Variants in RNF185 observed in about 807,000 individuals in gnomAD.
RNF185 encodes ring finger protein 185, also known as E3 ubiquitin-protein ligase RNF185.
A neutral mutation model predicts 24.9 loss-of-function variants in RNF185; 13 were observed. The observed-to-expected ratio is 0.52, with a 90% CI of 0.34 to 0.83. The LOEUF (loss-of-function observed/expected upper bound fraction) is 0.83. Ranked by LOEUF, RNF185 falls within the 40% of genes least tolerant of loss-of-function variation. The pLI is 0.01. For missense variants in RNF185, 184 were observed against 244.7 expected (o/e 0.75, Z 1.65); for synonymous variants, 79 against 90.3 (o/e 0.88, Z 0.71).
chr22:31,175,018 A>AGC (rs2047967392), intron 1 of RNF185, among the ~76,000 whole-genome samples: 1 of 151,240 alleles, frequency 6.6e-6, no homozygotes, highest in Non-Finnish European at 1.5e-5. Context: ...GGTTGCGGTG[A>AGC]GCCGAGATCG....
At chr22:31,203,420 G>A (rs2048282807) in intron 6 of RNF185, among the ~76,000 whole-genome samples, 1 of 152,196 alleles carries the variant, frequency 6.6e-6, no homozygotes, top group Admixed American at 6.5e-5. Context: ...GGCAGTGTGT[G>A]GAGAGGCTGC....
chr22:31,162,796 G>A (rs1253793405), intron 1 of RNF185, among the ~76,000 whole-genome samples: 2 of 142,906 alleles, frequency 1.4e-5, no homozygotes, highest in East Asian at 2.0e-4. Flanking sequence ...ACGGAGTCTC[G>A]CTCTGTTGCC....
chr22:31,201,399 G>A (rs976950260), intron 5 of RNF185, 99 bp from the exon 6 acceptor site: 6 of 844,798 alleles, frequency 7.1e-6, no homozygotes, highest in African/African-American at 3.3e-5. Context: ...AGAAGAGGCA[G>A]GTGCCACATG....
intron 1 of RNF185, among the ~76,000 whole-genome samples, chr22:31,161,690 C>G (rs1923583608): frequency 6.6e-6 from 1 of 152,174 alleles, no homozygotes; most frequent in Admixed American, 6.5e-5. Flanking sequence ...TGAAAGCACC[C>G]CTTGAGGTTG....
chr22:31,167,287 C>T lies in RNF185; in HGVS notation c.-49+6984C>T, dbSNP rs541663858. Among the ~76,000 whole-genome samples, 4 of 152,212 alleles carry T rather than the reference C, an allele frequency of 2.6e-5. No homozygotes were observed. In the South Asian group the frequency reaches 8.3e-4, roughly 32 times the overall value. ...GGCTCAAGCAATCCTCTTGCCTCAGCCCCCTAAAGTGCTGGAATTACAGCA... is the reference window on the plus strand; with the variant it reads ...GGCTCAAGCAATCCTCTTGCCTCAGTCCCCTAAAGTGCTGGAATTACAGCA... On this transcript the variant is annotated intron_variant, in intron 1 of 6. Coordinates refer to ENST00000326132, the MANE Select transcript of RNF185 (RefSeq NM_152267.4).
chr22:31,172,429 G>T (rs1201871761), intron 1 of RNF185, among the ~76,000 whole-genome samples: 2 of 151,736 alleles, frequency 1.3e-5, no homozygotes, highest in Non-Finnish European at 1.5e-5. Flanking sequence ...TCTAATAGGG[G>T]CTAGGCACTG....
At chr22:31,172,190 A>T (rs1199811991) in intron 1 of RNF185, among the ~76,000 whole-genome samples, 2 of 151,668 alleles carry the variant, frequency 1.3e-5, no homozygotes. Flanking sequence ...ACTGTGTGAA[A>T]ATAAAAGTGA....
chr22:31,199,855 A>G (rs2048243484), intron 5 of RNF185, among the ~76,000 whole-genome samples: 1 of 152,374 alleles, frequency 6.6e-6, no homozygotes, highest in East Asian at 1.9e-4. Flanking sequence ...GTTTGGAACT[A>G]GATGCCAGGC....
intron 1 of RNF185, among the ~76,000 whole-genome samples, chr22:31,161,265 GAGGTATAT>G (rs1923557762): frequency 6.6e-6 from 1 of 152,172 alleles, no homozygotes; most frequent in African/African-American, 2.4e-5. Flanking sequence ...CCTTTCGAGG[GAGGTATAT>G]AGGTATTAGA....
intron 1 of RNF185, chr22:31,182,967 A>G (rs2048054291): frequency 6.7e-6 from 1 of 149,738 alleles, no homozygotes; most frequent in Non-Finnish European, 1.5e-5. Context: ...CTTGTCACCC[A>G]GGTTGGAGTG....
intron 1 of RNF185, among the ~76,000 whole-genome samples, chr22:31,171,706 T>C (rs1205400592): frequency 1.3e-5 from 2 of 152,122 alleles, no homozygotes; most frequent in African/African-American, 4.8e-5. Context: ...TGGTGGCTTG[T>C]GCCTGTAATC....
intron 6 of RNF185, among the ~76,000 whole-genome samples, chr22:31,203,020 AG>A (rs2048278445): frequency 6.6e-6 from 1 of 152,204 alleles, no homozygotes; most frequent in Non-Finnish European, 1.5e-5. Context: ...TCTGCCCTGA[AG>A]AAAGGGCAAA....
intron 1 of RNF185, among the ~76,000 whole-genome samples, chr22:31,182,719 A>C (rs2048051096): frequency 6.6e-6 from 1 of 151,192 alleles, no homozygotes; most frequent in Admixed American, 6.6e-5. Flanking sequence ...CACATACTAC[A>C]AGTGGTTGGA....
At position 31,201,466 on chromosome 22, in the gene RNF185, C is replaced by T. The variant is rs772638437; in HGVS notation, c.364-32C>T. 12 of 1,523,296 alleles carry T rather than the reference C, an allele frequency of 7.9e-6. No individual in the cohort carries two copies. In the South Asian group the frequency reaches 1.2e-4, roughly 16 times the overall value. 94.4% of individuals were successfully genotyped at this position (1,523,296 alleles called of 1,614,324 possible). A position where few individuals can be genotyped will look rare whatever the true frequency, so the allele number is the denominator to read the frequency against. The stretch of plus-strand genomic sequence containing the variant: ...AGGCACAGGAGAAACCTGCCTGATT[C>T]TCCTGCCCTTAATTGCCTTTCTTCC... On this transcript the variant is annotated intron_variant, in intron 5 of 6. Coordinates refer to ENST00000326132, the MANE Select transcript of RNF185 (RefSeq NM_152267.4).
intron 1 of RNF185, among the ~76,000 whole-genome samples, chr22:31,170,266 G>A (rs2047915324): frequency 6.6e-6 from 1 of 152,042 alleles, no homozygotes; most frequent in African/African-American, 2.4e-5. Context: ...TCTGCTCACT[G>A]CAAGCTCCGC....
At chr22:31,171,827 G>T (rs923157844) in intron 1 of RNF185, among the ~76,000 whole-genome samples, 1 of 151,856 alleles carries the variant, frequency 6.6e-6, no homozygotes, top group Non-Finnish European at 1.5e-5. Context: ...AATTAGCCAG[G>T]TGTGGTGGTG....
intron 4 of RNF185, among the ~76,000 whole-genome samples, 155 bp from the exon 5 acceptor site, chr22:31,196,781 G>C (rs938694311): frequency 2.0e-5 from 3 of 152,244 alleles, no homozygotes; most frequent in Non-Finnish European, 4.4e-5. Context: ...GTAGAATGAA[G>C]AGTTCGTATT....
At chr22:31,176,979 G>A (rs1462719501) in intron 1 of RNF185, among the ~76,000 whole-genome samples, 1 of 152,168 alleles carries the variant, frequency 6.6e-6, no homozygotes, top group Non-Finnish European at 1.5e-5. Context: ...GGAAGGTTAG[G>A]CAGATCTGGG....
intron 5 of RNF185, among the ~76,000 whole-genome samples, chr22:31,197,471 A>G (rs963424804): frequency 6.6e-6 from 1 of 152,164 alleles, no homozygotes; most frequent in Non-Finnish European, 1.5e-5. Flanking sequence ...ACATAATTCA[A>G]TCCTTTGTTA....
Sources: allele counts gnomAD v4.1 joint callset (sites outside exome capture counted in the v4.1 genomes callset), GRCh38; gene constraint gnomAD v4.1.1; transcripts MANE v1.5; gene names NCBI Gene and HGNC (gene_info 2026-07-23, HGNC 2026-07-21).